The following CDYL2 variants were observed in gnomAD, a reference collection of about 807,000 sequenced individuals.
CDYL2 encodes chromodomain Y like 2.
In CDYL2, 23 loss-of-function variants were observed where a neutral mutation model predicts 49.4. That is an observed-to-expected ratio of 0.47 (90% CI 0.34 to 0.66). The LOEUF (loss-of-function observed/expected upper bound fraction) is 0.66, where lower values mean the gene tolerates loss of function less well. Ranked by LOEUF, CDYL2 falls within the 30% of genes least tolerant of loss-of-function variation. CDYL2 has a pLI of 0.01. For synonymous variants in CDYL2, 360 were observed against 268.8 expected (o/e 1.34, Z -3.32); for missense variants, 678 against 656.4 (o/e 1.03, Z -0.36).
At chr16:80,679,142 T>G (rs1326139482) in intron 2 of CDYL2, among the ~76,000 whole-genome samples, 2 of 147,966 alleles carry the variant, frequency 1.4e-5, no homozygotes, top group African/African-American at 2.5e-5. Flanking sequence ...GGGATAGCAT[T>G]GGGAGATATA....
intron 1 of CDYL2, among the ~76,000 whole-genome samples, chr16:80,686,200 TTTATGTAA>T (rs1345187165): frequency 3.3e-5 from 5 of 152,248 alleles, no homozygotes; most frequent in Admixed American, 6.5e-5. Context: ...CTCCCTTGTC[TTTATGTAA>T]TCCCGTGGAA....
chr16:80,726,229 G>A (rs901240004), intron 1 of CDYL2, among the ~76,000 whole-genome samples: 2 of 152,148 alleles, frequency 1.3e-5, no homozygotes, highest in African/African-American at 4.8e-5. Flanking sequence ...AAAGGGATTT[G>A]AGGAACATTT....
At chr16:80,620,092 G>C (rs1567543190) in intron 4 of CDYL2, among the ~76,000 whole-genome samples, 1 of 152,236 alleles carries the variant, frequency 6.6e-6, no homozygotes, top group Non-Finnish European at 1.5e-5. Flanking sequence ...CTGGGTGACA[G>C]CTGTAAACCA....
At chr16:80,642,190 C>G (rs1004145371) in intron 2 of CDYL2, among the ~76,000 whole-genome samples, 1 of 152,136 alleles carries the variant, frequency 6.6e-6, no homozygotes, top group African/African-American at 2.4e-5. Flanking sequence ...CGCCTGTAAT[C>G]CCAGCACTTT....
chr16:80,718,538 A>G (rs1404548049), intron 1 of CDYL2, among the ~76,000 whole-genome samples: 1 of 152,320 alleles, frequency 6.6e-6, no homozygotes, highest in African/African-American at 2.4e-5. Flanking sequence ...TCACCTGGCT[A>G]TATTAAAACA....
intron 1 of CDYL2, among the ~76,000 whole-genome samples, chr16:80,714,664 TACCCC>T (rs1904735589): frequency 1.3e-5 from 2 of 152,272 alleles, no homozygotes; most frequent in South Asian, 4.1e-4. Flanking sequence ...TCTCTGCTCC[TACCCC>T]ATAAAATCCC....
chr16:80,755,046 G>C (rs1906263323), intron 1 of CDYL2, among the ~76,000 whole-genome samples: 1 of 152,156 alleles, frequency 6.6e-6, no homozygotes, highest in Non-Finnish European at 1.5e-5. Context: ...AAATAGACTT[G>C]TGCTTAAATC....
intron 5 of CDYL2, among the ~76,000 whole-genome samples, chr16:80,611,213 T>C (rs781039418): frequency 6.6e-6 from 1 of 152,144 alleles, no homozygotes; most frequent in African/African-American, 2.4e-5. Context: ...AGCAGGGTTT[T>C]TGTTCACCCC....
intron 1 of CDYL2, among the ~76,000 whole-genome samples, chr16:80,709,929 A>ATTTTTT (rs11358998): frequency 7.1e-6 from 1 of 141,280 alleles, no homozygotes; most frequent in Non-Finnish European, 1.6e-5. Flanking sequence ...CAGCAGGCTG[A>ATTTTTT]TTTTTTTTTT....
At chr16:80,704,721 G>C (rs1012114629) in intron 1 of CDYL2, among the ~76,000 whole-genome samples, 1 of 152,210 alleles carries the variant, frequency 6.6e-6, no homozygotes, top group Non-Finnish European at 1.5e-5. Context: ...AGAGGGAAGA[G>C]AATGTGCAAA....
At chr16:80,804,844 C>A (rs1281065298), upstream of CDYL2, among the ~76,000 whole-genome samples, 1 of 150,436 alleles carries the variant, frequency 6.6e-6, no homozygotes, top group African/African-American at 2.4e-5. Flanking sequence ...AGGGCTGCGG[C>A]TGCAGACCTC....
chr16:80,629,692 A>G (rs960019301), intron 3 of CDYL2, among the ~76,000 whole-genome samples: 1 of 152,232 alleles, frequency 6.6e-6, no homozygotes, highest in Non-Finnish European at 1.5e-5. Context: ...AATCTACTTA[A>G]TGCACACAGT....
chr16:80,701,684 G>A (rs547804145), intron 1 of CDYL2, among the ~76,000 whole-genome samples: 45 of 152,308 alleles, frequency 3.0e-4, no homozygotes, highest in South Asian at 8.3e-4. Context: ...CATGTTTCTG[G>A]ATGGGAAGTC....
chr16:80,771,387 A>G (rs1339542142), intron 1 of CDYL2, among the ~76,000 whole-genome samples: 1 of 152,226 alleles, frequency 6.6e-6, no homozygotes, highest in African/African-American at 2.4e-5. Flanking sequence ...ATGAACTAAA[A>G]GTCAACAATG....
intron 2 of CDYL2, among the ~76,000 whole-genome samples, chr16:80,650,789 T>TA (rs1312435234): frequency 6.6e-6 from 1 of 151,906 alleles, no homozygotes; most frequent in Non-Finnish European, 1.5e-5. Context: ...TACTCAGCCA[T>TA]AAAAAAATGA....
intron 3 of CDYL2, among the ~76,000 whole-genome samples, chr16:80,631,838 G>C (rs898956607): frequency 6.6e-6 from 1 of 152,168 alleles, no homozygotes; most frequent in Non-Finnish European, 1.5e-5. Flanking sequence ...GCCACAATGA[G>C]ATACCACCTC....
intron 1 of CDYL2, among the ~76,000 whole-genome samples, chr16:80,749,354 C>T (rs1372868394): frequency 6.6e-6 from 1 of 152,106 alleles, no homozygotes; most frequent in Non-Finnish European, 1.5e-5. Context: ...CACAACTTTT[C>T]ACAATAACAA....
At chr16:80,735,041 C>CT (rs1905469329) in intron 1 of CDYL2, 1 of 152,210 alleles carries the variant, frequency 6.6e-6, no homozygotes, top group Non-Finnish European at 1.5e-5. Context: ...CCACATTTAT[C>CT]TCCCAACCTT....
At chr16:80,750,005 T>G (rs902213493) in intron 1 of CDYL2, among the ~76,000 whole-genome samples, 1 of 151,382 alleles carries the variant, frequency 6.6e-6, no homozygotes, top group Admixed American at 6.6e-5. Flanking sequence ...AAACACCACA[T>G]GTTCTCACTC....
Sources: gnomAD v4.1 joint callset for allele counts (sites outside exome capture counted in the v4.1 genomes callset) on GRCh38, gnomAD v4.1.1 for gene constraint, MANE v1.5 for transcripts, NCBI Gene and HGNC (gene_info 2026-07-23, HGNC 2026-07-21) for gene names.